MAGI2: variants seen among roughly 807,000 people sequenced by gnomAD.
MAGI2 encodes the protein membrane associated guanylate kinase, WW and PDZ domain containing 2.
A neutral mutation model predicts 133.3 loss-of-function variants in MAGI2; 35 were observed. The ratio of observed to expected loss-of-function variants is 0.26; its 90% CI spans 0.20 to 0.35. MAGI2 has a LOEUF of 0.35. Ranked by LOEUF, MAGI2 falls within the 10% of genes least tolerant of loss-of-function variation. The probability of loss-of-function intolerance (pLI) is 1.00; values close to 1 mark genes in which losing one functional copy is unlikely to be tolerated. For missense variants in MAGI2, 1,636 were observed against 1,863.4 expected (o/e 0.88, Z 2.25); for synonymous variants, 729 against 710.6 (o/e 1.03, Z -0.41).
intron 2 of MAGI2, among the ~76,000 whole-genome samples, chr7:78,761,656 C>A (rs1824526071): frequency 6.6e-6 from 1 of 152,010 alleles, no homozygotes; most frequent in African/African-American, 2.4e-5. Context: ...TGGGGTTTCA[C>A]CATGTTAGCC....
chr7:78,108,130 A>C (rs1194995672), intron 20 of MAGI2, among the ~76,000 whole-genome samples: 1 of 151,904 alleles, frequency 6.6e-6, no homozygotes, highest in Non-Finnish European at 1.5e-5. Context: ...CTTTCCTCTT[A>C]ATATTGTTTT....
intron 3 of MAGI2, among the ~76,000 whole-genome samples, chr7:78,567,512 G>A (rs573262489): frequency 3.3e-5 from 5 of 152,050 alleles, no homozygotes; most frequent in Non-Finnish European, 7.4e-5. Context: ...CAACTACCCA[G>A]TAGGATACAT....
intron 9 of MAGI2, among the ~76,000 whole-genome samples, chr7:78,273,821 G>C (rs542031566): frequency 1.3e-5 from 2 of 152,010 alleles, no homozygotes; most frequent in African/African-American, 4.8e-5. Context: ...GTTTATTTTG[G>C]TTAGCAATTC....
intron 2 of MAGI2, among the ~76,000 whole-genome samples, chr7:78,991,243 A>C (rs1170645952): frequency 1.3e-5 from 2 of 151,078 alleles, no homozygotes; most frequent in Non-Finnish European, 3.0e-5. Context: ...TGAGTCAACT[A>C]AACCTTTCTT....
chr7:78,546,589 T>C (rs10240144), intron 3 of MAGI2, among the ~76,000 whole-genome samples: 8,543 of 152,214 alleles, frequency 0.056, 708 homozygotes, highest in African/African-American at 0.18. Flanking sequence ...TGTTGATTAG[T>C]ATATTGCCAA....
At chr7:79,073,817 A>G (rs533766991) in intron 1 of MAGI2, among the ~76,000 whole-genome samples, 4 of 151,018 alleles carry the variant, frequency 2.6e-5, no homozygotes, top group African/African-American at 9.7e-5. Context: ...TGACCATACT[A>G]GATTTCGTAG....
At chr7:78,781,174 C>A (rs905116313) in intron 2 of MAGI2, among the ~76,000 whole-genome samples, 4 of 151,780 alleles carry the variant, frequency 2.6e-5, no homozygotes, top group South Asian at 4.2e-4. Flanking sequence ...GTCAGGAGAT[C>A]GAGACCATCT....
intron 2 of MAGI2, among the ~76,000 whole-genome samples, chr7:78,985,435 T>C (rs1220730509): frequency 1.3e-5 from 2 of 152,032 alleles, no homozygotes; most frequent in African/African-American, 4.8e-5. Context: ...AAAGAAAATA[T>C]TTATAATACC....
chr7:79,294,488 T>TG (rs1423061762), intron 1 of MAGI2, among the ~76,000 whole-genome samples: 1 of 151,992 alleles, frequency 6.6e-6, no homozygotes. Flanking sequence ...AAACTTTCCA[T>TG]GGGTCCGCCC....
intron 6 of MAGI2, among the ~76,000 whole-genome samples, chr7:78,455,250 T>C (rs56252016): frequency 0.15 from 23,269 of 152,112 alleles, 2,853 homozygotes; most frequent in African/African-American, 0.35. Context: ...AAACAGTCTA[T>C]GAATTAAACA....
At chr7:79,048,162 T>A (rs1812350514) in intron 1 of MAGI2, among the ~76,000 whole-genome samples, 1 of 152,208 alleles carries the variant, frequency 6.6e-6, no homozygotes, top group Non-Finnish European at 1.5e-5. Flanking sequence ...ACTTGTGGGT[T>A]AATTTATAAA....
intron 10 of MAGI2, among the ~76,000 whole-genome samples, chr7:78,245,525 A>C (rs1224571976): frequency 1.3e-5 from 2 of 152,182 alleles, no homozygotes; most frequent in Non-Finnish European, 2.9e-5. Context: ...ACTAAAGGAG[A>C]GCACTAGTGC....
chr7:79,240,147 T>C (rs2129554918), intron 1 of MAGI2, among the ~76,000 whole-genome samples: 1 of 152,166 alleles, frequency 6.6e-6, no homozygotes, highest in Middle Eastern at 3.4e-3. Flanking sequence ...CATTCCTCTG[T>C]ACTAACAGGA....
At chr7:78,966,012 G>A (rs1803275690) in intron 2 of MAGI2, among the ~76,000 whole-genome samples, 1 of 152,044 alleles carries the variant, frequency 6.6e-6, no homozygotes, top group African/African-American at 2.4e-5. Flanking sequence ...CATCTACAGA[G>A]AATAATAGAG....
chr7:78,767,958 T>C (rs1028659663), intron 2 of MAGI2, among the ~76,000 whole-genome samples: 1 of 152,218 alleles, frequency 6.6e-6, no homozygotes, highest in African/African-American at 2.4e-5. Flanking sequence ...ATTTTGTTAT[T>C]TCTGGATGTT....
chr7:78,832,941 C>T (rs922236784), intron 2 of MAGI2, among the ~76,000 whole-genome samples: 19 of 152,112 alleles, frequency 1.2e-4, no homozygotes, highest in East Asian at 7.7e-4. Context: ...TATAAACCGA[C>T]GCATGAGGGG....
chr7:78,134,006 G>A (rs1584074567), intron 17 of MAGI2: 1 of 152,044 alleles, frequency 6.6e-6, no homozygotes, highest in Admixed American at 6.6e-5. Flanking sequence ...TTTTGGGTGG[G>A]GTAATTCTTT....
intron 1 of MAGI2, among the ~76,000 whole-genome samples, chr7:79,433,538 G>A (rs1847931042): frequency 6.6e-6 from 1 of 150,860 alleles, no homozygotes; most frequent in Admixed American, 6.6e-5. Flanking sequence ...GGGCGACAGA[G>A]CAAGACTCTG....
intron 2 of MAGI2, among the ~76,000 whole-genome samples, chr7:78,748,367 G>A (rs1331787305): frequency 6.6e-6 from 1 of 152,020 alleles, no homozygotes; most frequent in Non-Finnish European, 1.5e-5. Flanking sequence ...GTTTTTTCTG[G>A]AATTCCATAA....
Sources: gnomAD v4.1 joint callset for allele counts (sites outside exome capture counted in the v4.1 genomes callset) on GRCh38, gnomAD v4.1.1 for gene constraint, MANE v1.5 for transcripts, NCBI Gene and HGNC (gene_info 2026-07-23, HGNC 2026-07-21) for gene names.